Variants in NALF1 observed in about 807,000 individuals in gnomAD.
The protein encoded by NALF1 is family with sequence similarity 155 member A.
NALF1 carries 3 observed loss-of-function variants against 48.4 expected under a neutral mutation model. That is an observed-to-expected ratio of 0.06 (90% CI 0.03 to 0.16). The LOEUF is 0.16. Among genes scored for constraint, NALF1 ranks in the 10% least tolerant of loss-of-function variants. NALF1 has a pLI of 1.00. For missense variants in NALF1, 526 were observed against 571.5 expected, an observed-to-expected ratio of 0.92 and a Z score of 0.81; for synonymous variants, 262 against 245.7, an observed-to-expected ratio of 1.07 and a Z score of -0.62.
intron 1 of NALF1, among the ~76,000 whole-genome samples, chr13:107,680,291 C>A (rs573738056): frequency 3.9e-5 from 6 of 152,220 alleles, no homozygotes; most frequent in Admixed American, 3.9e-4. Context: ...ACCAGGCTAA[C>A]AGGTTGCTCC....
intron 1 of NALF1, among the ~76,000 whole-genome samples, chr13:107,290,787 T>G (rs1881605652): frequency 6.6e-6 from 1 of 152,202 alleles, no homozygotes; most frequent in Admixed American, 6.5e-5. Flanking sequence ...CACTGAGGTG[T>G]GCCTTTATGT....
chr13:107,650,255 C>T (rs1206485114), intron 1 of NALF1, among the ~76,000 whole-genome samples: 2 of 152,044 alleles, frequency 1.3e-5, no homozygotes, highest in Non-Finnish European at 2.9e-5. Flanking sequence ...AACCAGGGTA[C>T]CCCTGGCCAC....
intron 1 of NALF1, among the ~76,000 whole-genome samples, chr13:107,311,289 AT>A (rs1882040249): frequency 6.6e-6 from 1 of 152,158 alleles, no homozygotes; most frequent in Non-Finnish European, 1.5e-5. Flanking sequence ...AGATAAACAT[AT>A]TTACCATTAA....
intron 2 of NALF1, among the ~76,000 whole-genome samples, chr13:107,185,391 C>T (rs1371302844): frequency 6.9e-6 from 1 of 145,970 alleles, no homozygotes; most frequent in Non-Finnish European, 1.5e-5. Flanking sequence ...CACCCCCGCC[C>T]CTCCCTGCAT....
At chr13:107,503,539 G>A (rs1257212176) in intron 1 of NALF1, among the ~76,000 whole-genome samples, 1 of 152,072 alleles carries the variant, frequency 6.6e-6, no homozygotes, top group Non-Finnish European at 1.5e-5. Flanking sequence ...AAAAGAATAT[G>A]GAGGTTCCTA....
chr13:107,826,060 T>C (rs952985554), intron 1 of NALF1, among the ~76,000 whole-genome samples: 9 of 152,198 alleles, frequency 5.9e-5, no homozygotes, highest in Non-Finnish European at 1.3e-4. Context: ...ATTACAGGCG[T>C]GAGCCACCAT....
chr13:107,859,323 A>C (rs1880509175), intron 1 of NALF1, among the ~76,000 whole-genome samples: 1 of 152,222 alleles, frequency 6.6e-6, no homozygotes, highest in Non-Finnish European at 1.5e-5. Context: ...TACTGCTAAG[A>C]TCAATAACGG....
chr13:107,460,220 G>A (rs528899847), intron 1 of NALF1, among the ~76,000 whole-genome samples: 1 of 152,292 alleles, frequency 6.6e-6, no homozygotes, highest in South Asian at 2.1e-4. Context: ...TAAAAAGCAA[G>A]AAGCCCAGAC....
rs374102207 is a variant in NALF1, at chr13:107,677,449, TAA to T, written c.915+188231_915+188232del. ...TTAGACAGTTTTGTAACTCTCCTCC[TAA>T]AATTCTGTCCCAGGAATAATTAGAA... On this transcript the variant is annotated intron_variant, in intron 1 of 2. Coordinates refer to ENST00000375915, the MANE Select transcript of NALF1 (RefSeq NM_001080396.3). Among the ~76,000 whole-genome samples, 772 of 152,348 alleles carry T rather than the reference TAA, an allele frequency of 5.1e-3. 11 individuals are homozygous for T. Among genetic ancestry groups the T allele is most frequent in the South Asian group, 0.038 (184 of 4,828 alleles).
At chr13:107,530,002 A>G (rs545260452) in intron 1 of NALF1, among the ~76,000 whole-genome samples, 4 of 152,200 alleles carry the variant, frequency 2.6e-5, no homozygotes, top group African/African-American at 9.6e-5. Flanking sequence ...AATACCCAAG[A>G]GTAAGAATAA....
chr13:107,686,605 G>A (rs558315804), intron 1 of NALF1, among the ~76,000 whole-genome samples: 7 of 152,028 alleles, frequency 4.6e-5, no homozygotes, highest in Non-Finnish European at 7.4e-5. Flanking sequence ...TGTTGGCCAG[G>A]ATGGTCTTGA....
chr13:107,701,568 G>A (rs1170805066), intron 1 of NALF1, among the ~76,000 whole-genome samples: 2 of 152,078 alleles, frequency 1.3e-5, no homozygotes, highest in Admixed American at 1.3e-4. Flanking sequence ...ATATGTACTG[G>A]GGTGGGGTCA....
chr13:107,527,790 T>C (rs984743414), intron 1 of NALF1, among the ~76,000 whole-genome samples: 5 of 152,150 alleles, frequency 3.3e-5, no homozygotes, highest in South Asian at 2.1e-4. Flanking sequence ...TCTGCTGCCA[T>C]GTAAGACGTA....
intron 1 of NALF1, among the ~76,000 whole-genome samples, chr13:107,720,157 G>A (rs572741847): frequency 6.6e-6 from 1 of 152,270 alleles, no homozygotes; most frequent in South Asian, 2.1e-4. Context: ...CATTAAACAT[G>A]TACATGACTT....
Position 107,866,044 on chromosome 13 carries a change from C to G in NALF1, c.553G>C (p.Glu185Gln). The G allele has an allele frequency of 1.2e-6, 2 of 1,612,610 alleles. No homozygotes were observed. The highest frequency in any genetic ancestry group is 1.7e-6 in the Non-Finnish European group (2 of 1,179,952). ...CTGGCGCACACCGCGTCCGCATTCT[C>G]CACCGTGAAGCACTGGCCCGAGGAC... Reference protein sequence around the residue: ...GASSGQCFTVENADAVCARNW... With the variant: ...GASSGQCFTVQNADAVCARNW... Residue 185 changes from glutamate to glutamine, a missense_variant, in exon 1 of 3, where the codon GAG becomes CAG. Coordinates refer to ENST00000375915, the MANE Select transcript of NALF1 (RefSeq NM_001080396.3). The surrounding 1 kb of genome is among the most constrained non-coding windows in gnomAD (Gnocchi z 4.4).
At chr13:107,835,674 C>T (rs1052480279) in intron 1 of NALF1, among the ~76,000 whole-genome samples, 3 of 152,108 alleles carry the variant, frequency 2.0e-5, no homozygotes, top group Admixed American at 2.0e-4. Context: ...AACCACATTT[C>T]TGAAGTATAT....
chr13:107,295,949 T>C (rs1236498857), intron 1 of NALF1, among the ~76,000 whole-genome samples: 1 of 152,222 alleles, frequency 6.6e-6, no homozygotes, highest in Non-Finnish European at 1.5e-5. Flanking sequence ...TCTGACTGAA[T>C]TCCTTTAAAA....
At chr13:107,456,183 A>G (rs1283773511) in intron 1 of NALF1, among the ~76,000 whole-genome samples, 2 of 152,126 alleles carry the variant, frequency 1.3e-5, no homozygotes, top group African/African-American at 4.8e-5. Flanking sequence ...CTGAGTGGGA[A>G]TTTGACAAGT....
chr13:107,244,540 G>A (rs1050110920), intron 1 of NALF1, among the ~76,000 whole-genome samples: 1 of 152,178 alleles, frequency 6.6e-6, no homozygotes, highest in African/African-American at 2.4e-5. Context: ...GAAATCCTCT[G>A]TGTCAATCTA....
Sources: gnomAD v4.1 joint callset for allele counts (sites outside exome capture counted in the v4.1 genomes callset) on GRCh38, gnomAD v4.1.1 for gene constraint, Gnocchi (gnomAD v3.1) non-coding constraint, MANE v1.5 for transcripts, NCBI Gene and HGNC (gene_info 2026-07-23, HGNC 2026-07-21) for gene names.